Variants in TRPC4 observed in about 807,000 individuals in gnomAD.
TRPC4 encodes the protein short transient receptor potential channel 4.
TRPC4 carries 49 observed loss-of-function variants against 99.4 expected under a neutral mutation model. That is an observed-to-expected ratio of 0.49 (90% confidence interval 0.39 to 0.63). The LOEUF (loss-of-function observed/expected upper bound fraction) is 0.63. Ranked by LOEUF, TRPC4 falls within the 20% of genes least tolerant of loss-of-function variation. The pLI, the probability that TRPC4 is intolerant of heterozygous loss-of-function variation, is 0.00. For missense variants in TRPC4, 898 were observed against 1,152.9 expected, an observed-to-expected ratio of 0.78 and a Z score of 3.20; for synonymous variants, 454 against 425.9, an observed-to-expected ratio of 1.07 and a Z score of -0.81.
chr13:37,857,511 G>T (rs1414052036), intron 1 of TRPC4, among the ~76,000 whole-genome samples: 1 of 151,382 alleles, frequency 6.6e-6, no homozygotes, highest in Non-Finnish European at 1.5e-5. Flanking sequence ...TACTGACTTT[G>T]AATTATACTA....
chr13:37,774,117 A>G (rs564037381), intron 2 of TRPC4, among the ~76,000 whole-genome samples: 15 of 151,850 alleles, frequency 9.9e-5, no homozygotes, highest in African/African-American at 3.6e-4. Flanking sequence ...TCAAAAAGGG[A>G]TGTTGCAATT....
rs574253231 is a variant in TRPC4, at chr13:37,837,771, G to C, written c.-28+31824C>G. On this transcript the variant is annotated intron_variant, in intron 1 of 10. Coordinates refer to ENST00000379705, the MANE Select transcript of TRPC4 (RefSeq NM_016179.4). ...GGGGACTGTTGGGAAGGCATGATTG[G>C]TTTTGAAATGTGAGGTCATAAGATG... is the stretch of plus-strand genomic sequence containing the variant. Among the ~76,000 whole-genome samples, 445 of 152,256 alleles carry C rather than the reference G, an allele frequency of 2.9e-3. 4 individuals carry two copies. Among genetic ancestry groups the C allele is most frequent in the African/African-American group, 9.8e-3 (408 of 41,540 alleles).
chr13:37,862,606 T>G (rs1566232813), intron 1 of TRPC4, among the ~76,000 whole-genome samples: 1 of 151,642 alleles, frequency 6.6e-6, no homozygotes, highest in Admixed American at 6.6e-5. Flanking sequence ...TGTTATTTAT[T>G]TAATGAGTTC....
At chr13:37,674,163 T>A (rs920423769) in intron 5 of TRPC4, 65 bp downstream of exon 5, 21 of 1,376,942 alleles carry the variant, frequency 1.5e-5, no homozygotes, top group Non-Finnish European at 1.9e-5. Flanking sequence ...AAAATTAATA[T>A]CAGTTGAAAG....
chr13:37,649,421 A>T (rs1389024151), intron 8 of TRPC4, among the ~76,000 whole-genome samples: 1 of 152,140 alleles, frequency 6.6e-6, no homozygotes, highest in Non-Finnish European at 1.5e-5. Context: ...AGGGGGACAC[A>T]TGCAGTAATT....
At chr13:37,821,903 C>A (rs1958022863) in intron 1 of TRPC4, among the ~76,000 whole-genome samples, 1 of 152,044 alleles carries the variant, frequency 6.6e-6, no homozygotes, top group Non-Finnish European at 1.5e-5. Context: ...CAGGCCCTGG[C>A]AAAGATTTCG....
intron 1 of TRPC4, among the ~76,000 whole-genome samples, chr13:37,789,730 T>C (rs1197438475): frequency 6.6e-6 from 1 of 151,980 alleles, no homozygotes; most frequent in Admixed American, 6.6e-5. Context: ...TCTTTACTAC[T>C]AAGCTTTTGG....
chr13:37,818,848 G>A (rs1957935201), intron 1 of TRPC4, among the ~76,000 whole-genome samples: 1 of 151,968 alleles, frequency 6.6e-6, no homozygotes, highest in South Asian at 2.1e-4. Flanking sequence ...AATACCTAAT[G>A]TAGATGATGG....
intron 2 of TRPC4, among the ~76,000 whole-genome samples, chr13:37,777,441 G>A (rs1956737349): frequency 6.6e-6 from 1 of 151,896 alleles, no homozygotes; most frequent in African/African-American, 2.4e-5. Context: ...TCACAGGACA[G>A]CACTAGGGAG....
chr13:37,739,714 C>T (rs1266112347), intron 3 of TRPC4, among the ~76,000 whole-genome samples: 2 of 151,882 alleles, frequency 1.3e-5, no homozygotes, highest in Non-Finnish European at 1.5e-5. Flanking sequence ...CTTTGTTGGA[C>T]AGGCTGCTCT....
In TRPC4 at chr13:37,663,517, T is replaced by C; in HGVS notation, c.1587A>G (p.Ala529=). Reference sequence around the variant, plus strand: ...ACAATTGATTTAGGCCATTTGCAAATGCTAGCAACACAAGGCAGTATATGA... The same window carrying C: ...ACAATTGATTTAGGCCATTTGCAAACGCTAGCAACACAAGGCAGTATATGA... ...FLFIYCLVLL[A]FANGLNQLYF... Residue 529 remains alanine, a synonymous_variant, in exon 6 of 11, where the codon GCA becomes GCG. Transcript: ENST00000379705. 1 of 1,614,196 alleles carries C rather than the reference T, an allele frequency of 6.2e-7. No individual in the cohort carries two copies. The highest frequency in any genetic ancestry group is 1.3e-5 in the African/African-American group (1 of 75,072).
intron 2 of TRPC4, among the ~76,000 whole-genome samples, chr13:37,766,382 A>G (rs1231165862): frequency 1.3e-5 from 2 of 150,732 alleles, no homozygotes; most frequent in Non-Finnish European, 3.0e-5. Flanking sequence ...TTGCAACGAA[A>G]TTAACGCAAA....
intron 8 of TRPC4, among the ~76,000 whole-genome samples, chr13:37,643,123 C>A: frequency 6.6e-6 from 1 of 152,236 alleles, no homozygotes; most frequent in Admixed American, 6.5e-5. Flanking sequence ...TGGGATATTT[C>A]TGGTGATAAT....
intron 3 of TRPC4, among the ~76,000 whole-genome samples, chr13:37,733,340 C>A (rs940421120): frequency 6.6e-6 from 1 of 152,106 alleles, no homozygotes; most frequent in African/African-American, 2.4e-5. Flanking sequence ...GTAGCCAAGG[C>A]AGGCTCTGAT....
intron 1 of TRPC4, among the ~76,000 whole-genome samples, chr13:37,814,307 T>C (rs1445186237): frequency 6.6e-6 from 1 of 150,784 alleles, no homozygotes; most frequent in Non-Finnish European, 1.5e-5. Flanking sequence ...GTCAACAATA[T>C]ACTAGAGGTT....
intron 1 of TRPC4, among the ~76,000 whole-genome samples, chr13:37,858,694 T>C (rs993929351): frequency 6.6e-6 from 1 of 151,540 alleles, no homozygotes; most frequent in Admixed American, 6.6e-5. Flanking sequence ...AGACAAGTAT[T>C]ATATGTTCTT....
chr13:37,678,765 A>G (rs1953141562), intron 4 of TRPC4, among the ~76,000 whole-genome samples: 1 of 152,150 alleles, frequency 6.6e-6, no homozygotes, highest in South Asian at 2.1e-4. Context: ...ACACTGATAA[A>G]CAATCAGACA....
chr13:37,654,985 A>G, intron 7 of TRPC4, 103 bp downstream of exon 7: 1 of 925,464 alleles, frequency 1.1e-6, no homozygotes, highest in Non-Finnish European at 1.5e-6. Flanking sequence ...TCTAATCAAT[A>G]GCTAATTATA....
At chr13:37,760,388 C>T (rs971281517) in intron 2 of TRPC4, among the ~76,000 whole-genome samples, 1 of 151,862 alleles carries the variant, frequency 6.6e-6, no homozygotes, top group Admixed American at 6.6e-5. Context: ...TTTATAACGT[C>T]CTTTTGTAAA....
Sources: gnomAD v4.1 joint callset for allele counts (sites outside exome capture counted in the v4.1 genomes callset) on GRCh38, gnomAD v4.1.1 for gene constraint, MANE v1.5 for transcripts, NCBI Gene and HGNC (gene_info 2026-07-23, HGNC 2026-07-21) for gene names.